TSHZ3: variants seen among roughly 807,000 people sequenced by gnomAD.
TSHZ3 encodes teashirt homolog 3.
TSHZ3 carries 10 observed loss-of-function variants against 64.5 expected under a neutral mutation model. That is an observed-to-expected ratio of 0.16 (90% CI 0.10 to 0.26). The LOEUF (loss-of-function observed/expected upper bound fraction) is 0.26. Among genes scored for constraint, TSHZ3 ranks in the 10% least tolerant of loss-of-function variants. The pLI is 1.00. For synonymous variants in TSHZ3, 608 were observed against 593.1 expected (o/e 1.03, Z -0.36); for missense variants, 1,242 against 1,421.7 (o/e 0.87, Z 2.03).
chr19:31,194,261 G>A (rs1439511565), intron 5 of TSHZ3, among the ~76,000 whole-genome samples: 1 of 152,174 alleles, frequency 6.6e-6, no homozygotes, highest in Non-Finnish European at 1.5e-5. Flanking sequence ...GCTGGACCAG[G>A]TTCCCACACT....
chr19:31,172,138 A>T (rs1974544840), intron 5 of TSHZ3, among the ~76,000 whole-genome samples: 1 of 152,170 alleles, frequency 6.6e-6, no homozygotes, highest in African/African-American at 2.4e-5. Flanking sequence ...TCCATATCAT[A>T]GTGCCCTTGG....
intron 5 of TSHZ3, among the ~76,000 whole-genome samples, chr19:31,181,614 T>G (rs775387619): frequency 6.6e-6 from 1 of 152,036 alleles, no homozygotes; most frequent in Non-Finnish European, 1.5e-5. Flanking sequence ...GCAGAAAGCA[T>G]GGGCATCCCC....
intron 1 of TSHZ3, among the ~76,000 whole-genome samples, chr19:31,319,235 C>T (rs986488108): frequency 6.6e-6 from 1 of 152,208 alleles, no homozygotes; most frequent in Non-Finnish European, 1.5e-5. Context: ...ATAGCACCTG[C>T]CAAGACGGCT....
At chr19:31,178,876 C>A (rs2145123455) in intron 5 of TSHZ3, among the ~76,000 whole-genome samples, 1 of 152,258 alleles carries the variant, frequency 6.6e-6, no homozygotes, top group South Asian at 2.1e-4. Flanking sequence ...ATGCAAACAC[C>A]ACGTGCTTCA....
intron 5 of TSHZ3, among the ~76,000 whole-genome samples, chr19:31,169,076 C>G (rs1235559513): frequency 6.6e-6 from 1 of 151,752 alleles, no homozygotes; most frequent in Non-Finnish European, 1.5e-5. Flanking sequence ...AAGATGGTCA[C>G]TCCACCCAGT....
chr19:31,298,195 T>G (rs1176741493), intron 1 of TSHZ3, among the ~76,000 whole-genome samples: 9 of 152,080 alleles, frequency 5.9e-5, no homozygotes, highest in Admixed American at 1.3e-4. Flanking sequence ...CCAGCTGATG[T>G]GTCACATGAC....
At chr19:31,340,424 G>T (rs915611772) in intron 1 of TSHZ3, among the ~76,000 whole-genome samples, 7 of 102,398 alleles carry the variant, frequency 6.8e-5, no homozygotes, top group African/African-American at 2.2e-4. Flanking sequence ...TCCCCCTCCC[G>T]CCTGAAAAAA....
At chr19:31,324,571 T>C (rs1916879329) in intron 1 of TSHZ3, among the ~76,000 whole-genome samples, 1 of 152,224 alleles carries the variant, frequency 6.6e-6, no homozygotes, top group African/African-American at 2.4e-5. Flanking sequence ...GGAAGTGACT[T>C]ACCACTGGGT....
At chr19:31,337,332 T>A (rs1483002547) in intron 1 of TSHZ3, among the ~76,000 whole-genome samples, 1 of 152,216 alleles carries the variant, frequency 6.6e-6, no homozygotes, top group Non-Finnish European at 1.5e-5. Flanking sequence ...TTTCTTCCCA[T>A]GAGTGCACTC....
Position 31,277,443 on chromosome 19 carries a change from C to G in TSHZ3, c.2350G>C (p.Val784Leu), listed in dbSNP as rs753027332. ...ADHLDRYFYH[V>L]NNDQPIDLTK... ...AAGTCTATGGGCTGGTCGTTGTTGA[C>G]GTGGTAGAAATAGCGGTCGAGGTGG... The change falls in exon 2 of 2, where the codon GTC becomes CTC. Residue 784 changes from valine (V) to leucine (L), a missense_variant. Val to Leu is a conservative substitution (Grantham distance 32). Coordinates refer to ENST00000240587, the MANE Select transcript of TSHZ3 (RefSeq NM_020856.4). This position sits in a 1 kb window ranked among gnomAD's most constrained non-coding sequence, Gnocchi z 4.5. The G allele has an allele frequency of 6.2e-7, 1 of 1,613,858 alleles. No individual in the cohort carries two copies. Among genetic ancestry groups the G allele is most frequent in the Non-Finnish European group, 8.5e-7 (1 of 1,179,972 alleles).
rs80082997 is a variant in TSHZ3 at position 31,262,976 on chromosome 19, G to T, written n.64-20101C>A. On this transcript the variant is annotated intron_variant and non_coding_transcript_variant, in intron 1 of 6. Transcript: ENST00000651361. Reference sequence around the variant, plus strand: ...GCGCTGACTGCCAGGCAGGACCTCAGGAGAGAAAACCCAGATGAAATTAAT... The same window carrying T: ...GCGCTGACTGCCAGGCAGGACCTCATGAGAGAAAACCCAGATGAAATTAAT... Among the ~76,000 whole-genome samples, 11 of 152,366 alleles carry T rather than the reference G, an allele frequency of 7.2e-5. No individual in the cohort carries two copies. In the East Asian group the frequency reaches 2.1e-3, roughly 29 times the overall value.
chr19:31,191,624 A>T (rs542156249), intron 5 of TSHZ3, among the ~76,000 whole-genome samples: 18 of 152,294 alleles, frequency 1.2e-4, no homozygotes, highest in Admixed American at 7.8e-4. Context: ...TGGCAGGCTG[A>T]GGTGGGAGGT....
intron 1 of TSHZ3, among the ~76,000 whole-genome samples, chr19:31,315,258 C>T (rs1308161415): frequency 6.6e-6 from 1 of 152,192 alleles, no homozygotes; most frequent in South Asian, 2.1e-4. Context: ...CCTTCTCCTT[C>T]GAGGCTCACA....
At position 31,278,245 on chromosome 19, in the gene TSHZ3, G is replaced by A. The variant is rs755069650; in HGVS notation, c.1548C>T (p.Pro516=). 1 of 1,614,164 alleles carries A rather than the reference G, an allele frequency of 6.2e-7. No homozygotes were observed. The highest frequency in any genetic ancestry group is 8.5e-7 in the Non-Finnish European group (1 of 1,180,032). ...ATTTGAGGATATCAAGCCCCCCCTT[G>A]GGACTCTCTTCTAAGTCATTTTCAG... ...YLTENDLEES[P]KGGLDILKSL... The change falls in exon 2 of 2, where the codon CCC becomes CCT. Residue 516 remains proline, a synonymous_variant. Coordinates refer to ENST00000240587, the MANE Select transcript of TSHZ3 (RefSeq NM_020856.4). This position sits in a 1 kb window ranked among gnomAD's most constrained non-coding sequence, Gnocchi z 4.7.
chr19:31,232,763 G>A (rs1009406745), intron 3 of TSHZ3, among the ~76,000 whole-genome samples: 27 of 152,206 alleles, frequency 1.8e-4, no homozygotes, highest in Non-Finnish European at 2.2e-4. Flanking sequence ...TATCTCTACA[G>A]ATATGTATTT....
chr19:31,297,422 C>CT (rs5827762), intron 1 of TSHZ3, among the ~76,000 whole-genome samples: 67,155 of 151,842 alleles, frequency 0.44, 15,409 homozygotes, highest in East Asian at 0.81. Flanking sequence ...CTTCCTGTCT[C>CT]TTTTTTTTGC....
intron 3 of TSHZ3, among the ~76,000 whole-genome samples, chr19:31,229,289 A>T (rs1975509526): frequency 6.6e-6 from 1 of 152,242 alleles, no homozygotes; most frequent in South Asian, 2.1e-4. Flanking sequence ...AAACATTTGC[A>T]AGGACATTAA....
intron 1 of TSHZ3, among the ~76,000 whole-genome samples, chr19:31,333,916 A>T (rs1356121911): frequency 6.6e-6 from 1 of 152,184 alleles, no homozygotes; most frequent in African/African-American, 2.4e-5. Context: ...CCTTGCAGAA[A>T]TGTTAAATAC....
chr19:31,316,215 G>T (rs1916598540), intron 1 of TSHZ3, among the ~76,000 whole-genome samples: 1 of 152,202 alleles, frequency 6.6e-6, no homozygotes, highest in Non-Finnish European at 1.5e-5. Flanking sequence ...GGAGGCAGGA[G>T]TTCCCTGCTA....
Sources: allele counts gnomAD v4.1 joint callset (sites outside exome capture counted in the v4.1 genomes callset), GRCh38; gene constraint gnomAD v4.1.1; non-coding constraint Gnocchi (gnomAD v3.1); transcripts MANE v1.5; gene names NCBI Gene and HGNC (gene_info 2026-07-23, HGNC 2026-07-21).